The following POM121 variants were observed in gnomAD, a reference collection of about 807,000 sequenced individuals.
The protein encoded by POM121 is POM121 transmembrane nucleoporin, also known as nuclear envelope pore membrane protein POM 121.
Under a neutral mutation model 81.3 loss-of-function variants are expected in POM121, and 32 were observed. The observed-to-expected ratio is 0.39, with a 90% CI of 0.30 to 0.53. The LOEUF is 0.53. Ranked by LOEUF, POM121 falls within the 20% of genes least tolerant of loss-of-function variation. The probability of loss-of-function intolerance (pLI) is 0.66; values close to 1 mark genes in which losing one functional copy is unlikely to be tolerated. For missense variants in POM121, 1,138 were observed against 1,614.6 expected, an observed-to-expected ratio of 0.70 and a Z score of 5.06; for synonymous variants, 514 against 694.2, an observed-to-expected ratio of 0.74 and a Z score of 4.08.
chr7:72,948,826 C>G, downstream of POM121: 2 of 1,536,606 alleles, frequency 1.3e-6, no homozygotes, highest in South Asian at 1.1e-5. Context: ...AGAAACAGCC[C>G]CAATGCTGGG....
chr7:72,916,979 G>A (rs184484959), intron 4 of POM121, among the ~76,000 whole-genome samples: 45 of 152,260 alleles, frequency 3.0e-4, no homozygotes, highest in Non-Finnish European at 2.5e-4. Flanking sequence ...TTTTGGATAC[G>A]TTCCTTTGTC....
exon 2 of POM121, chr7:72,890,636 T>A: frequency 6.2e-7 from 1 of 1,601,244 alleles, no homozygotes; most frequent in Non-Finnish European, 8.5e-7. Flanking sequence ...GGGGCCAGTG[T>A]CATTCAAAGA....
At chr7:72,937,771 C>G (rs576058478) in intron 5 of POM121, among the ~76,000 whole-genome samples, 2 of 152,168 alleles carry the variant, frequency 1.3e-5, no homozygotes, top group Non-Finnish European at 2.9e-5. Context: ...TACTTTGCTG[C>G]TGGTCTGTGG....
intron 3 of POM121, among the ~76,000 whole-genome samples, chr7:72,891,965 G>A (rs1202573192): frequency 1.3e-5 from 2 of 152,168 alleles, no homozygotes; most frequent in African/African-American, 4.8e-5. Context: ...TTGATGTGAT[G>A]ATGTAGCGCT....
chr7:72,918,779 T>A (rs1554495475), intron 4 of POM121, among the ~76,000 whole-genome samples: 1 of 151,956 alleles, frequency 6.6e-6, no homozygotes, highest in Non-Finnish European at 1.5e-5. Flanking sequence ...TCTCTGCACG[T>A]CTCTGGCATT....
At position 72,926,333 on chromosome 7, in the gene POM121, A is replaced by C; in HGVS notation, c.716A>C (p.Tyr239Ser). 6.2e-7 allele frequency: 1 copy of C among 1,612,178 alleles called. No homozygotes were observed. Among genetic ancestry groups the C allele is most frequent in the Non-Finnish European group, 8.5e-7 (1 of 1,178,930 alleles). Residue 239 changes from tyrosine (Y) to serine (S), a missense_variant, in exon 2 of 13, where the codon TAT (tyrosine) becomes TCT (serine). Around this residue, in one of 7 missense-constraint regions of POM121, gnomAD observed 646 missense variants for 633.5 expected, o/e 1.02. Transcript: ENST00000434423. ...CGCTATCCGATCCATCAGGCCCAGT[A>C]TTCCTGTCTGGGGGTACTTCCCACC... is the stretch of plus-strand genomic sequence containing the variant. The part of the protein sequence containing the change: ...RRRYPIHQAQ[Y>S]SCLGVLPTVC...
Position 72,929,978 on chromosome 7 carries a change from C to T in POM121, c.1142C>T (p.Ser381Leu). 1 of 1,613,810 alleles carries T rather than the reference C, an allele frequency of 6.2e-7. No individual in the cohort carries two copies. Among genetic ancestry groups the T allele is most frequent in the Middle Eastern group, 1.7e-4 (1 of 6,054 alleles). ...SLKRGLNSQSSDDHLNKRSRS... is the reference protein window; with the variant it reads ...SLKRGLNSQSLDDHLNKRSRS... ...AAGAGAGGCCTCAATTCTCAGAGCT[C>T]AGATGACCACTTGAATAAGAGATCC... The change falls in exon 5 of 13, where the codon TCA becomes TTA. Residue 381 changes from serine (S) to leucine (L), a missense_variant. Around this residue, in one of 7 missense-constraint regions of POM121, gnomAD observed 646 missense variants for 633.5 expected, o/e 1.02. Coordinates refer to ENST00000434423, the MANE Select transcript of POM121 (RefSeq NM_001387691.1).
At chr7:72,880,536 G>C (rs1239798402) in intron 1 of POM121, among the ~76,000 whole-genome samples, 2 of 151,966 alleles carry the variant, frequency 1.3e-5, no homozygotes, top group African/African-American at 4.8e-5. Flanking sequence ...TTTCATTTCT[G>C]AGAGCTCACA....
chr7:72,940,679 G>C, intron 9 of POM121, 138 bp from the exon 10 acceptor site: 1 of 1,258,440 alleles, frequency 7.9e-7, no homozygotes, highest in Non-Finnish European at 1.1e-6. Flanking sequence ...TGGTCTTCAC[G>C]GGAACTGGAC....
Position 72,939,833 on chromosome 7 carries a change from A to G in POM121, c.1442-14A>G, listed in dbSNP as rs1796890256. On this transcript the variant is annotated splice_polypyrimidine_tract_variant and intron_variant, in intron 7 of 12. Coordinates refer to ENST00000434423, the MANE Select transcript of POM121 (RefSeq NM_001387691.1). ...GAGGGAAGGAAGCAAACGAGTCTTGATTTCTTTCTTTAGCTGCAGATACAA... is the reference window on the plus strand; with the variant it reads ...GAGGGAAGGAAGCAAACGAGTCTTGGTTTCTTTCTTTAGCTGCAGATACAA... 6.2e-7 allele frequency: 1 copy of G among 1,610,960 alleles called. No individual in the cohort carries two copies. Among genetic ancestry groups the G allele is most frequent in the African/African-American group, 1.3e-5 (1 of 74,798 alleles).
intron 7 of POM121, among the ~76,000 whole-genome samples, 154 bp downstream of exon 7, chr7:72,939,563 T>G (rs1381302584): frequency 3.9e-5 from 6 of 152,132 alleles, no homozygotes; most frequent in Non-Finnish European, 7.4e-5. Context: ...CTTCAGAAGT[T>G]TATAGTCTGA....
rs530229616 is a variant in POM121 at position 72,938,610 on chromosome 7, C to T, written c.1296C>T (p.Pro432=). 8 of 1,613,892 alleles carry T rather than the reference C, an allele frequency of 5.0e-6. No individual in the cohort carries two copies. In the African/African-American group the frequency reaches 6.7e-5, roughly 13 times the overall value. The change falls in exon 6 of 13, where the codon CCC becomes CCT. Residue 432 remains proline, a synonymous_variant. Coordinates refer to ENST00000434423, the MANE Select transcript of POM121 (RefSeq NM_001387691.1). The part of the protein sequence containing the change: ...GISQLWKRNG[P]SSSPFSSPAS... ...TTTAGCTCTGGAAGAGAAATGGCCC[C>T]AGTTCATCACCCTTCTCTAGCCCAG... is the stretch of plus-strand genomic sequence containing the variant.
chr7:72,899,766 A>T (rs782235464), intron 3 of POM121, among the ~76,000 whole-genome samples: 21 of 151,996 alleles, frequency 1.4e-4, no homozygotes, highest in Non-Finnish European at 2.4e-4. Flanking sequence ...TTTTTAGTAG[A>T]GATGGGGTTT....
At chr7:72,886,940 C>T (rs1790777978) in intron 1 of POM121, among the ~76,000 whole-genome samples, 2 of 151,332 alleles carry the variant, frequency 1.3e-5, no homozygotes, top group Admixed American at 1.3e-4. Flanking sequence ...TTTATGGTGT[C>T]ATCACTTGGG....
downstream of POM121, chr7:72,949,155 A>G (rs1380440014): frequency 2.3e-6 from 3 of 1,307,300 alleles, no homozygotes; most frequent in East Asian, 6.9e-5. Flanking sequence ...CTCAGTCCTG[A>G]AATCCTCGCT....
In POM121 at chr7:72,926,261, G is replaced by C; in HGVS notation, c.645-1G>C. 3 of 1,555,214 alleles carry C rather than the reference G, an allele frequency of 1.9e-6. No individual in the cohort carries two copies. The highest frequency in any genetic ancestry group is 2.6e-6 in the Non-Finnish European group (3 of 1,148,486). On this transcript the variant is annotated splice_acceptor_variant, in intron 1 of 12. Coordinates refer to ENST00000434423, the MANE Select transcript of POM121 (RefSeq NM_001387691.1). LOFTEE classifies it high-confidence loss of function. ...CGTGATTTGTCTCGCATTCTCTGCAGGGATTGTGGGACTTTACCAAATCGG... is the reference window on the plus strand; with the variant it reads ...CGTGATTTGTCTCGCATTCTCTGCACGGATTGTGGGACTTTACCAAATCGG...
intron 3 of POM121, among the ~76,000 whole-genome samples, chr7:72,892,615 C>T (rs1243097945): frequency 6.6e-6 from 1 of 151,936 alleles, no homozygotes; most frequent in Non-Finnish European, 1.5e-5. Flanking sequence ...ACATATTTTC[C>T]CTTCCTTTCT....
upstream of POM121, among the ~76,000 whole-genome samples, chr7:72,920,345 C>CT (rs781909518): frequency 0.049 from 5,523 of 112,516 alleles, 197 homozygotes; most frequent in African/African-American, 0.077. Context: ...GAGTAATGGT[C>CT]TTTTTTTTTT....
chr7:72,936,272 C>T (rs1554499452), intron 5 of POM121, among the ~76,000 whole-genome samples: 2 of 152,004 alleles, frequency 1.3e-5, no homozygotes, highest in Non-Finnish European at 2.9e-5. Context: ...AAGTGATCCT[C>T]CCACCTTGGC....
Sources: allele counts gnomAD v4.1 joint callset (sites outside exome capture counted in the v4.1 genomes callset), GRCh38; gene constraint gnomAD v4.1.1; regional missense constraint gnomAD v4.1.1; transcripts MANE v1.5; gene names NCBI Gene and HGNC (gene_info 2026-07-23, HGNC 2026-07-21).